RAD51B: variants seen among roughly 807,000 people sequenced by gnomAD.
RAD51B encodes DNA repair protein RAD51 homolog 2.
Under a neutral mutation model 42.2 loss-of-function variants are expected in RAD51B, and 38 were observed. The observed-to-expected ratio is 0.90, with a 90% CI of 0.70 to 1.18. The LOEUF is 1.18. Among genes scored for constraint, RAD51B ranks in the 50% most tolerant of loss-of-function variants. RAD51B has a pLI of 0.00. For missense variants in RAD51B, 373 were observed against 400.7 expected (o/e 0.93, Z 0.59); for synonymous variants, 154 against 145.2 (o/e 1.06, Z -0.43).
intron 10 of RAD51B, among the ~76,000 whole-genome samples, chr14:68,525,813 T>A (rs1886889484): frequency 6.6e-6 from 1 of 152,190 alleles, no homozygotes; most frequent in Admixed American, 6.5e-5. Flanking sequence ...AGCTCCGGCA[T>A]ATGGAATTAG....
At chr14:68,226,630 T>TA (rs1217193454) in intron 7 of RAD51B, among the ~76,000 whole-genome samples, 4 of 152,222 alleles carry the variant, frequency 2.6e-5, no homozygotes, top group Non-Finnish European at 5.9e-5. Flanking sequence ...CCTTCTGCCA[T>TA]GATTGTGCAG....
intron 7 of RAD51B, among the ~76,000 whole-genome samples, chr14:68,012,869 A>G (rs2075708275): frequency 6.6e-6 from 1 of 152,070 alleles, no homozygotes; most frequent in African/African-American, 2.4e-5. Flanking sequence ...TATTTGCATT[A>G]TGTTTAATTT....
intron 7 of RAD51B, among the ~76,000 whole-genome samples, chr14:68,226,744 G>A (rs529306665): frequency 2.0e-5 from 3 of 152,280 alleles, no homozygotes; most frequent in Admixed American, 2.0e-4. Flanking sequence ...TTACAGGTGA[G>A]CAAACTGAGG....
chr14:68,097,189 T>C (rs965240097), intron 7 of RAD51B, among the ~76,000 whole-genome samples: 10 of 152,176 alleles, frequency 6.6e-5, no homozygotes, highest in African/African-American at 2.2e-4. Context: ...AAAATTAGTC[T>C]CCTTATAATT....
chr14:68,466,892 G>A (rs534242082), intron 9 of RAD51B, among the ~76,000 whole-genome samples: 6 of 152,296 alleles, frequency 3.9e-5, no homozygotes, highest in African/African-American at 1.4e-4. Flanking sequence ...TAGATTCCAA[G>A]CCTATGACTA....
intron 10 of RAD51B, among the ~76,000 whole-genome samples, chr14:68,606,602 C>A (rs1891456502): frequency 1.3e-5 from 2 of 152,112 alleles, no homozygotes; most frequent in Non-Finnish European, 2.9e-5. Flanking sequence ...GTCCTTGACA[C>A]ACCATTGGGT....
intron 4 of RAD51B, among the ~76,000 whole-genome samples, chr14:67,840,003 A>C (rs1389788944): frequency 2.0e-5 from 3 of 152,190 alleles, no homozygotes; most frequent in Non-Finnish European, 4.4e-5. Context: ...CATTTTTGTC[A>C]GATAACTTTG....
intron 9 of RAD51B, among the ~76,000 whole-genome samples, chr14:68,449,054 G>A (rs1481510709): frequency 6.6e-6 from 1 of 152,044 alleles, no homozygotes; most frequent in Non-Finnish European, 1.5e-5. Context: ...AATTTTTCAT[G>A]TAAATATACA....
At chr14:68,587,570 C>T (rs548493725) in intron 10 of RAD51B, among the ~76,000 whole-genome samples, 5 of 152,038 alleles carry the variant, frequency 3.3e-5, no homozygotes, top group African/African-American at 4.8e-5. Context: ...AGGAAATTCC[C>T]GTCAGCTTGT....
intron 7 of RAD51B, among the ~76,000 whole-genome samples, chr14:68,006,114 C>T (rs1435012284): frequency 6.6e-6 from 1 of 152,220 alleles, no homozygotes; most frequent in African/African-American, 2.4e-5. Context: ...CAGGCCCCAC[C>T]TCCAACATTG....
At chr14:68,488,577 A>G (rs185706185) in intron 10 of RAD51B, among the ~76,000 whole-genome samples, 1 of 151,636 alleles carries the variant, frequency 6.6e-6, no homozygotes, top group African/African-American at 2.4e-5. Context: ...ATACCCTATC[A>G]CCCTTGCCTG....
intron 7 of RAD51B, among the ~76,000 whole-genome samples, chr14:68,112,441 C>A (rs922481739): frequency 2.0e-5 from 3 of 151,988 alleles, no homozygotes; most frequent in Non-Finnish European, 4.4e-5. Context: ...TGCCTAGCTC[C>A]CTGGACTAAG....
At chr14:68,399,247 A>ATT (rs71446354) in intron 8 of RAD51B, among the ~76,000 whole-genome samples, 81 of 139,660 alleles carry the variant, frequency 5.8e-4, no homozygotes, top group African/African-American at 2.1e-3. Context: ...CCTTTACCTG[A>ATT]TTTTTTTTTG....
chr14:68,135,401 T>G (rs975032701), intron 7 of RAD51B, among the ~76,000 whole-genome samples: 3 of 152,196 alleles, frequency 2.0e-5, no homozygotes, highest in Non-Finnish European at 4.4e-5. Flanking sequence ...TTATATAAAT[T>G]TAGCCTTTAG....
chr14:68,498,797 A>T (rs572810747), intron 10 of RAD51B, among the ~76,000 whole-genome samples: 173 of 152,334 alleles, frequency 1.1e-3, no homozygotes, highest in Non-Finnish European at 2.2e-3. Context: ...GTATTATTTG[A>T]TTGGAAGAAA....
chr14:68,090,249 G>C (rs2077067930), intron 7 of RAD51B, among the ~76,000 whole-genome samples: 1 of 152,098 alleles, frequency 6.6e-6, no homozygotes. Context: ...CTTGGGAACA[G>C]ATTACTATAC....
intron 7 of RAD51B, among the ~76,000 whole-genome samples, chr14:67,949,702 C>T (rs994083236): frequency 1.3e-5 from 2 of 152,132 alleles, no homozygotes; most frequent in African/African-American, 4.8e-5. Flanking sequence ...TCAGAAGAAT[C>T]ACAATCTATG....
At chr14:67,915,523 C>T (rs144862147) in intron 7 of RAD51B, among the ~76,000 whole-genome samples, 48 of 152,188 alleles carry the variant, frequency 3.2e-4, no homozygotes, top group East Asian at 1.7e-3. Context: ...AGGGAAATGA[C>T]GTTGGGTTAA....
intron 8 of RAD51B, among the ~76,000 whole-genome samples, chr14:68,327,763 A>G (rs1411480118): frequency 1.3e-5 from 2 of 152,196 alleles, no homozygotes; most frequent in African/African-American, 2.4e-5. Flanking sequence ...ATTAAAGTCA[A>G]CTTATAAGTA....
Sources: gnomAD v4.1 joint callset for allele counts (sites outside exome capture counted in the v4.1 genomes callset) on GRCh38, gnomAD v4.1.1 for gene constraint, MANE v1.5 for transcripts, NCBI Gene and HGNC (gene_info 2026-07-23, HGNC 2026-07-21) for gene names.